The following SUGCT variants were observed in gnomAD, a reference collection of about 807,000 sequenced individuals.
The protein encoded by SUGCT is succinyl-CoA:glutarate-CoA transferase.
In SUGCT, 41 loss-of-function variants were observed where a neutral mutation model predicts 55.0. The ratio of observed to expected loss-of-function variants is 0.74; its 90% CI spans 0.58 to 0.97. SUGCT has a LOEUF of 0.97. Ranked by LOEUF, SUGCT falls within the 50% of genes least tolerant of loss-of-function variation. The pLI is 0.00. For missense variants in SUGCT, 568 were observed against 547.8 expected, an observed-to-expected ratio of 1.04 and a Z score of -0.37; for synonymous variants, 187 against 200.4, an observed-to-expected ratio of 0.93 and a Z score of 0.56.
At chr7:40,173,259 G>A (rs962897213) in intron 1 of SUGCT, among the ~76,000 whole-genome samples, 8 of 152,208 alleles carry the variant, frequency 5.3e-5, no homozygotes, top group East Asian at 1.9e-4. Context: ...GAACAATGGC[G>A]AGCCTGTAGC....
intron 12 of SUGCT, among the ~76,000 whole-genome samples, chr7:40,558,342 A>G (rs1180225638): frequency 6.6e-6 from 1 of 152,236 alleles, no homozygotes; most frequent in African/African-American, 2.4e-5. Context: ...GTTAGTCACA[A>G]TAGCCAAAAG....
At chr7:40,373,728 T>C (rs983788159) in intron 9 of SUGCT, among the ~76,000 whole-genome samples, 5 of 152,150 alleles carry the variant, frequency 3.3e-5, no homozygotes, top group African/African-American at 1.2e-4. Context: ...GATTGACTAA[T>C]TATGTTTGTG....
chr7:40,806,567 G>C (rs985402460), intron 13 of SUGCT, among the ~76,000 whole-genome samples: 2 of 151,778 alleles, frequency 1.3e-5, no homozygotes, highest in Admixed American at 1.3e-4. Flanking sequence ...ACCCATCCTT[G>C]GTTTTCCTCT....
At chr7:40,775,350 C>G (rs1373399633) in intron 13 of SUGCT, among the ~76,000 whole-genome samples, 1 of 152,182 alleles carries the variant, frequency 6.6e-6, no homozygotes, top group Non-Finnish European at 1.5e-5. Flanking sequence ...TATACATACA[C>G]AAGGTCTTTG....
intron 9 of SUGCT, among the ~76,000 whole-genome samples, chr7:40,428,257 T>C (rs1338992929): frequency 6.6e-6 from 1 of 152,230 alleles, no homozygotes; most frequent in Non-Finnish European, 1.5e-5. Flanking sequence ...CCAGCCTATG[T>C]GTGTCCTTAA....
chr7:40,775,399 A>G (rs1285360318), intron 13 of SUGCT, among the ~76,000 whole-genome samples: 1 of 152,230 alleles, frequency 6.6e-6, no homozygotes, highest in Non-Finnish European at 1.5e-5. Context: ...TGGAAAGGCA[A>G]ATACCTACAA....
the SUGCT span, among the ~76,000 whole-genome samples, chr7:40,999,889 C>T: frequency 6.6e-6 from 1 of 152,066 alleles, no homozygotes; most frequent in Non-Finnish European, 1.5e-5. Context: ...GTTACTATAT[C>T]AATTTTTTCT....
rs535965436 is a variant in SUGCT at position 40,417,023 on chromosome 7, C to T, written c.817-32264C>T. Among the ~76,000 whole-genome samples, 162 of 152,050 alleles carry T rather than the reference C, an allele frequency of 1.1e-3. 2 individuals carry two copies. The highest frequency in any genetic ancestry group is 3.7e-3 in the African/African-American group (155 of 41,546). ...GAATTATCCACTAATGCTAGGCTTT[C>T]GAATATGTCATCATAGAGTTGCATA... On this transcript the variant is annotated intron_variant, in intron 9 of 13. Transcript: ENST00000335693.
intron 12 of SUGCT, among the ~76,000 whole-genome samples, chr7:40,594,668 G>C (rs928329246): frequency 1.3e-5 from 2 of 152,152 alleles, no homozygotes; most frequent in African/African-American, 4.8e-5. Flanking sequence ...AACAGCTGGG[G>C]ACACCCCTCC....
intron 8 of SUGCT, among the ~76,000 whole-genome samples, chr7:40,287,407 G>A (rs1793421045): frequency 6.6e-6 from 1 of 152,092 alleles, no homozygotes; most frequent in Non-Finnish European, 1.5e-5. Context: ...AGTGGCAAGA[G>A]CAGGCATCCT....
At chr7:40,474,309 G>A (rs1350330832) in intron 11 of SUGCT, among the ~76,000 whole-genome samples, 1 of 152,078 alleles carries the variant, frequency 6.6e-6, no homozygotes, top group African/African-American at 2.4e-5. Context: ...TATTGAGTGT[G>A]GGGGGCAGAG....
At chr7:40,736,366 A>G (rs1048061144) in intron 12 of SUGCT, among the ~76,000 whole-genome samples, 1 of 149,970 alleles carries the variant, frequency 6.7e-6, no homozygotes, top group African/African-American at 2.4e-5. Flanking sequence ...ATATAACTGC[A>G]GTTCCAGGGG....
chr7:40,914,062 G>A, the SUGCT span, among the ~76,000 whole-genome samples: 1 of 143,846 alleles, frequency 7.0e-6, no homozygotes, highest in Admixed American at 6.9e-5. Context: ...TTTTTTTTCA[G>A]TTTTTTTTTT....
At chr7:40,980,625 C>T in the SUGCT span, among the ~76,000 whole-genome samples, 1 of 146,018 alleles carries the variant, frequency 6.8e-6, no homozygotes, top group African/African-American at 2.6e-5. Flanking sequence ...GACATTCGTA[C>T]TGTAAAAGAG....
At chr7:40,687,015 C>T (rs1306919564) in intron 12 of SUGCT, among the ~76,000 whole-genome samples, 2 of 152,180 alleles carry the variant, frequency 1.3e-5, no homozygotes, top group African/African-American at 2.4e-5. Context: ...GCTTCTTTCT[C>T]ACTGCCCTCA....
At chr7:40,226,575 A>G (rs1310216326) in intron 6 of SUGCT, among the ~76,000 whole-genome samples, 1 of 152,066 alleles carries the variant, frequency 6.6e-6, no homozygotes, top group Non-Finnish European at 1.5e-5. Flanking sequence ...TCTTCAGAAT[A>G]GAAAACTAAC....
At chr7:40,738,475 T>G (rs1787295193) in intron 12 of SUGCT, among the ~76,000 whole-genome samples, 1 of 152,062 alleles carries the variant, frequency 6.6e-6, no homozygotes, top group South Asian at 2.1e-4. Flanking sequence ...AACTAAAAAC[T>G]TAGAAAGGTT....
At chr7:40,605,710 A>G (rs1798498282) in intron 12 of SUGCT, among the ~76,000 whole-genome samples, 1 of 152,246 alleles carries the variant, frequency 6.6e-6, no homozygotes, top group South Asian at 2.1e-4. Flanking sequence ...AGAGATGGGA[A>G]TAACAACACT....
intron 6 of SUGCT, among the ~76,000 whole-genome samples, chr7:40,232,897 T>C (rs1269351723): frequency 6.6e-6 from 1 of 152,200 alleles, no homozygotes; most frequent in Non-Finnish European, 1.5e-5. Context: ...ATTTTTCCTC[T>C]TTAATTTAGA....
Sources: gnomAD v4.1 joint callset for allele counts (sites outside exome capture counted in the v4.1 genomes callset) on GRCh38, gnomAD v4.1.1 for gene constraint, MANE v1.5 for transcripts, NCBI Gene and HGNC (gene_info 2026-07-23, HGNC 2026-07-21) for gene names.